Variants in KIR3DL3 observed in about 807,000 individuals in gnomAD.
KIR3DL3 encodes the protein killer cell immunoglobulin-like receptor 3DL3.
A neutral mutation model predicts 34.9 loss-of-function variants in KIR3DL3; 27 were observed. That is an observed-to-expected ratio of 0.77 (90% CI 0.57 to 1.07). The LOEUF is 1.07. KIR3DL3 is among the 50% of genes least tolerant of loss of function. The pLI, the probability that KIR3DL3 is intolerant of heterozygous loss-of-function variation, is 0.00. For synonymous variants in KIR3DL3, 217 were observed against 200.2 expected (o/e 1.08, Z -0.71); for missense variants, 681 against 528.5 (o/e 1.29, Z -2.83).
At position 54,725,460 on chromosome 19, in the gene KIR3DL3, C is replaced by A. The variant is rs369858884; in HGVS notation, c.70+178C>A. ...AAGCTTCGCCACAGTTCTGTCCTAG[C>A]CCTCCCCGGCCTTTCTTTCCCTTGG... On this transcript the variant is annotated intron_variant, in intron 2 of 7. Coordinates refer to ENST00000291860, the MANE Select transcript of KIR3DL3 (RefSeq NM_153443.5). Among the ~76,000 whole-genome samples the A allele has an allele frequency of 3.7e-3, 569 of 152,224 alleles. 1 individual carries two copies. Among genetic ancestry groups the A allele is most frequent in the African/African-American group, 0.013 (536 of 41,528 alleles).
At chr19:54,734,551 C>T (rs1374254439) in intron 5 of KIR3DL3, among the ~76,000 whole-genome samples, 1 of 151,672 alleles carries the variant, frequency 6.6e-6, no homozygotes, top group Non-Finnish European at 1.5e-5. Flanking sequence ...CACTGCATGA[C>T]GTCCTCCTCC....
At chr19:54,727,164 A>C (rs34830246) in intron 3 of KIR3DL3, among the ~76,000 whole-genome samples, 67,172 of 96,308 alleles carry the variant, frequency 0.7, 24,066 homozygotes, top group East Asian at 0.99. Context: ...ACAGACATGA[A>C]AGGAGAGGCT....
At chr19:54,733,258 G>A (rs1371147042) in intron 5 of KIR3DL3, among the ~76,000 whole-genome samples, 1 of 152,056 alleles carries the variant, frequency 6.6e-6, no homozygotes, top group African/African-American at 2.4e-5. Context: ...CAAGACTGTG[G>A]ATGGGGGCTC....
rs270788 is a variant in KIR3DL3, at chr19:54,725,165, G to A, written c.35-82G>A. 1.1e-3 allele frequency: 293 copies of A among 273,366 alleles called. 81 individuals are homozygous for A. Among genetic ancestry groups the A allele is most frequent in the South Asian group, 2.1e-3 (30 of 14,502 alleles). The allele number at this position is 273,366 out of a possible 1,614,324, so 16.9% of individuals were successfully genotyped here. A position where few individuals can be genotyped will look rare whatever the true frequency, so the allele number is the denominator to read the frequency against. ...CCTGGAGTGGAGATATGGGCCTAGA[G>A]GTGGAGATATGGGCCTGGAGTGGAG... On this transcript the variant is annotated intron_variant, in intron 1 of 7. Coordinates refer to ENST00000291860, the MANE Select transcript of KIR3DL3 (RefSeq NM_153443.5).
intron 5 of KIR3DL3, among the ~76,000 whole-genome samples, chr19:54,731,591 C>A (rs1600205347): frequency 6.6e-6 from 1 of 152,002 alleles, no homozygotes; most frequent in Non-Finnish European, 1.5e-5. Context: ...TTAATTATCT[C>A]ACAGTGCTGT....
Position 54,735,255 on chromosome 19 carries a change from A to C in KIR3DL3, c.952A>C (p.Asn318His), listed in dbSNP as rs2069360619. The change falls in exon 6 of 8, where the codon AAC (asparagine) becomes CAC (histidine). Residue 318 changes from asparagine to histidine, a missense_variant and splice_region_variant. Asn to His is a moderately conservative substitution (Grantham distance 68). Transcript: ENST00000291860. ...SDPLPVSVTG[N>H]SRNLHVLIGT... ...ATTGGTGTCTTGTCTTCCTCCAGGT[A>C]ACTCCAGAAACCTGCACGTTCTGAT... The C allele has an allele frequency of 1.3e-6, 2 of 1,497,374 alleles. No homozygotes were observed. The highest frequency in any genetic ancestry group is 9.2e-7 in the Non-Finnish European group (1 of 1,085,052). The allele number at this position is 1,497,374 out of a possible 1,614,324, so 92.8% of individuals were successfully genotyped here. A position where few individuals can be genotyped will look rare whatever the true frequency, so the allele number is the denominator to read the frequency against.
rs1162830090 is a variant in KIR3DL3 at position 54,726,050 on chromosome 19, C to G, written c.71-3C>G. 1.6e-5 allele frequency: 26 copies of G among 1,603,424 alleles called. No individual in the cohort carries two copies. The highest frequency in any genetic ancestry group is 1.4e-4 in the South Asian group (13 of 90,532). On this transcript the variant is annotated splice_region_variant and splice_polypyrimidine_tract_variant and intron_variant, in intron 2 of 7. Transcript: ENST00000291860. Reference sequence around the variant, plus strand: ...TCTAAGGTGGTGCCTCCTTCTCCCCCAGGTGGTCAGGACAAGCCCTTCCTC... The same window carrying G: ...TCTAAGGTGGTGCCTCCTTCTCCCCGAGGTGGTCAGGACAAGCCCTTCCTC...
chr19:54,736,086 C>A lies in KIR3DL3; in HGVS notation c.1223C>A (p.Thr408Asn). The A allele has an allele frequency of 6.2e-7, 1 of 1,613,384 alleles. No individual in the cohort carries two copies. Among genetic ancestry groups the A allele is most frequent in the Non-Finnish European group, 8.5e-7 (1 of 1,179,934 alleles). Residue 408 changes from threonine to asparagine, a missense_variant, in exon 8 of 8, where the codon ACC (threonine) becomes AAC (asparagine). Transcript: ENST00000291860. Reference protein sequence around the residue: ...SQRPKTPPTDTSV With the variant: ...SQRPKTPPTDNSV ...AGGCCCAAGACACCCCCAACAGATACCAGCGTGTAACACGGAACTTCCAAA... is the reference window on the plus strand; with the variant it reads ...AGGCCCAAGACACCCCCAACAGATAACAGCGTGTAACACGGAACTTCCAAA...
rs2068351011 is a variant in KIR3DL3 at position 54,727,737 on chromosome 19, C to A, written c.482C>A (p.Thr161Asn). The change falls in exon 4 of 8, where the codon ACT becomes AAT. Residue 161 changes from threonine to asparagine, a missense_variant. Physicochemically the swap from Thr to Asn is moderately conservative, Grantham distance 65. Coordinates refer to ENST00000291860, the MANE Select transcript of KIR3DL3 (RefSeq NM_153443.5). ...TTCCTTCTGCACAGAGAGGGGATCA[C>A]TGAGGACCCCTTGCGCCTCGTTGGA... Reference protein sequence around the residue: ...ERFLLHREGITEDPLRLVGQL... With the variant: ...ERFLLHREGINEDPLRLVGQL... The A allele has an allele frequency of 2.5e-6, 4 of 1,612,822 alleles. No homozygotes were observed. The African/African-American group carries it at 4.0e-5, about 16-fold the overall frequency.
chr19:54,735,852 A>T lies in KIR3DL3; in HGVS notation c.1087A>T (p.Asn363Tyr). ...AVVMDQEPAG[N>Y]RTVNREDSDE... ...TGTAATGGACCAAGAGCCTGCAGGG[A>T]ACAGAACAGTGAACAGGGAGGTAGG... The change falls in exon 7 of 8, where the codon AAC (asparagine) becomes TAC (tyrosine). Residue 363 changes from asparagine to tyrosine, a missense_variant. Physicochemically the swap from Asn to Tyr is moderately radical, Grantham distance 143. Transcript: ENST00000291860. 3 of 1,607,120 alleles carry T rather than the reference A, an allele frequency of 1.9e-6. No homozygotes were observed. The highest frequency in any genetic ancestry group is 2.5e-6 in the Non-Finnish European group (3 of 1,178,080).
At chr19:54,734,804 G>T (rs1408247996) in intron 5 of KIR3DL3, among the ~76,000 whole-genome samples, 7 of 143,936 alleles carry the variant, frequency 4.9e-5, no homozygotes, top group African/African-American at 1.8e-4. Flanking sequence ...GTCTGTCTGT[G>T]CAGAGACCAC....
chr19:54,729,236 A>T (rs2068531626), intron 4 of KIR3DL3, among the ~76,000 whole-genome samples: 4 of 151,782 alleles, frequency 2.6e-5, no homozygotes, highest in Admixed American at 2.0e-4. Flanking sequence ...CAAGTCAACC[A>T]GTCCAAGGAG....
At chr19:54,726,001 G>A in intron 2 of KIR3DL3, 52 bp from the exon 3 acceptor site, 5 of 1,403,540 alleles carry the variant, frequency 3.6e-6, no homozygotes, top group Non-Finnish European at 5.0e-6. Context: ...CACAGGGAGG[G>A]AGGGGCGGCT....
In KIR3DL3 at chr19:54,726,278, A is replaced by G. The variant is rs1360273175; in HGVS notation, c.296A>G (p.His99Arg). ...GGGACCTACAGATGTTGCAGTTCAC[A>G]CCCACACTCCCCCACTGGGTGGTCG... ...HAGTYRCCSS[H>R]PHSPTGWSAP... The change falls in exon 3 of 8, where the codon CAC (histidine) becomes CGC (arginine). Residue 99 changes from histidine to arginine, a missense_variant. Coordinates refer to ENST00000291860, the MANE Select transcript of KIR3DL3 (RefSeq NM_153443.5). 1.4e-5 allele frequency: 22 copies of G among 1,613,698 alleles called. No homozygotes were observed. The highest frequency in any genetic ancestry group is 1.8e-5 in the Non-Finnish European group (21 of 1,179,964).
At position 54,735,286 on chromosome 19, in the gene KIR3DL3, C is replaced by T; in HGVS notation, c.983C>T (p.Thr328Ile). Residue 328 changes from threonine (T) to isoleucine (I), a missense_variant, in exon 6 of 8, where the codon ACC (threonine) becomes ATC (isoleucine). Coordinates refer to ENST00000291860, the MANE Select transcript of KIR3DL3 (RefSeq NM_153443.5). ...AGAAACCTGCACGTTCTGATTGGGA[C>T]CTCAGTGGTCATCATCCCCTTTGCT... is the stretch of plus-strand genomic sequence containing the variant. ...NSRNLHVLIG[T>I]SVVIIPFAIL... 1 of 1,528,986 alleles carries T rather than the reference C, an allele frequency of 6.5e-7. No individual in the cohort carries two copies. Among genetic ancestry groups the T allele is most frequent in the Non-Finnish European group, 9.0e-7 (1 of 1,109,394 alleles). 94.7% of individuals were successfully genotyped at this position (1,528,986 alleles called of 1,614,324 possible).
Position 54,727,742 on chromosome 19 carries a change from G to T in KIR3DL3, c.487G>T (p.Asp163Tyr). Residue 163 changes from aspartate (D) to tyrosine (Y), a missense_variant, in exon 4 of 8, where the codon GAC (aspartate) becomes TAC (tyrosine). Asp to Tyr is a radical substitution (Grantham distance 160). Coordinates refer to ENST00000291860, the MANE Select transcript of KIR3DL3 (RefSeq NM_153443.5). Reference protein sequence around the residue: ...FLLHREGITEDPLRLVGQLHD... With the variant: ...FLLHREGITEYPLRLVGQLHD... ...TCTGCACAGAGAGGGGATCACTGAG[G>T]ACCCCTTGCGCCTCGTTGGACAGCT... 1 of 1,612,998 alleles carries T rather than the reference G, an allele frequency of 6.2e-7. No homozygotes were observed. Among genetic ancestry groups the T allele is most frequent in the Non-Finnish European group, 8.5e-7 (1 of 1,179,744 alleles).
At chr19:54,734,389 A>G (rs648029) in intron 5 of KIR3DL3, among the ~76,000 whole-genome samples, 50,309 of 143,120 alleles carry the variant, frequency 0.35, 9,409 homozygotes, top group African/African-American at 0.43. Flanking sequence ...GACAACAGAA[A>G]CCTACATTTC....
At chr19:54,727,990 T>C in intron 4 of KIR3DL3, 80 bp downstream of exon 4, 1 of 1,372,344 alleles carries the variant, frequency 7.3e-7, no homozygotes, top group Non-Finnish European at 1.0e-6. Flanking sequence ...CAGGTGGTCA[T>C]GAGGAAGATG....
chr19:54,724,502 G>A lies in KIR3DL3; in HGVS notation c.6G>A (p.Ser2=), dbSNP rs949112842. Residue 2 remains serine, a synonymous_variant, in exon 1 of 8, where the codon TCG becomes TCA. Transcript: ENST00000291860. M[S]LMVVSMACVG... Reference sequence around the variant, plus strand: ...CTGTCTGCACCGGCAGCACCATGTCGCTCATGGTCGTCAGCATGGCGTGTG... The same window carrying A: ...CTGTCTGCACCGGCAGCACCATGTCACTCATGGTCGTCAGCATGGCGTGTG... The A allele has an allele frequency of 2.4e-5, 38 of 1,613,210 alleles. No homozygotes were observed. Among genetic ancestry groups the A allele is most frequent in the East Asian group, 6.7e-5 (3 of 44,876 alleles).
Sources: gnomAD v4.1 joint callset for allele counts (sites outside exome capture counted in the v4.1 genomes callset) on GRCh38, gnomAD v4.1.1 for gene constraint, MANE v1.5 for transcripts, NCBI Gene and HGNC (gene_info 2026-07-23, HGNC 2026-07-21) for gene names.